The following CYREN variants were observed in gnomAD, a reference collection of about 807,000 sequenced individuals.
CYREN encodes the protein cell cycle regulator of non-homologous end joining.
In CYREN, 7 loss-of-function variants were observed where a neutral mutation model predicts 9.7. That is an observed-to-expected ratio of 0.72 (90% CI 0.41 to 1.36). The LOEUF (loss-of-function observed/expected upper bound fraction) is 1.36, where lower values mean the gene tolerates loss of function less well. Ranked by LOEUF, CYREN falls within the 40% of genes most tolerant of loss-of-function variation. CYREN has a pLI of 0.01. For synonymous variants in CYREN, 76 were observed against 77.9 expected, an observed-to-expected ratio of 0.98 and a Z score of 0.13; for missense variants, 215 against 198.1, an observed-to-expected ratio of 1.09 and a Z score of -0.51.
chr7:135,167,935 C>G (rs1369821126), intron 2 of CYREN, 128 bp from the exon 3 acceptor site: 6 of 1,481,044 alleles, frequency 4.1e-6, no homozygotes, highest in Non-Finnish European at 5.4e-6. Flanking sequence ...CACCTCTGAG[C>G]TGAGGAGCTT....
At chr7:135,108,870 T>C (rs1825177020) in intron 2 of CYREN, among the ~76,000 whole-genome samples, 1 of 152,226 alleles carries the variant, frequency 6.6e-6, no homozygotes. Context: ...TCAGAGGTTT[T>C]GTTCATTCCT....
chr7:135,129,189 T>G (rs1828374857), intron 2 of CYREN: 2 of 1,423,172 alleles, frequency 1.4e-6, no homozygotes, highest in Non-Finnish European at 2.0e-6. Flanking sequence ...AGATGTGGTG[T>G]ACTGCCCCCA....
chr7:135,097,192 C>G (rs1823032083), intron 2 of CYREN, among the ~76,000 whole-genome samples: 1 of 152,126 alleles, frequency 6.6e-6, no homozygotes, highest in African/African-American at 2.4e-5. Flanking sequence ...AAGGTTACGA[C>G]TAAAATATCC....
downstream of CYREN, among the ~76,000 whole-genome samples, chr7:135,162,871 G>A (rs1829981555): frequency 1.3e-5 from 2 of 152,210 alleles, no homozygotes; most frequent in South Asian, 2.1e-4. Flanking sequence ...ATTTAAAACG[G>A]AGTGAAAAGA....
At chr7:135,160,663 C>T (rs3251) in intron 2 of CYREN, among the ~76,000 whole-genome samples, 72,279 of 151,374 alleles carry the variant, frequency 0.48, 17,543 homozygotes, top group South Asian at 0.65. Context: ...GCTCTGCTGT[C>T]CTAAGATGTG....
intron 2 of CYREN, among the ~76,000 whole-genome samples, chr7:135,106,128 C>T (rs1451260853): frequency 6.6e-6 from 1 of 152,136 alleles, no homozygotes; most frequent in Non-Finnish European, 1.5e-5. Flanking sequence ...GCTGAAGGAG[C>T]TTTTGGGCCA....
chr7:135,121,423 A>T (rs2117244233), intron 2 of CYREN, among the ~76,000 whole-genome samples: 1 of 152,362 alleles, frequency 6.6e-6, no homozygotes, highest in East Asian at 1.9e-4. Flanking sequence ...TACGTGGATC[A>T]TATACCAAGA....
At chr7:135,111,923 A>G (rs1825696442) in intron 2 of CYREN, among the ~76,000 whole-genome samples, 1 of 152,110 alleles carries the variant, frequency 6.6e-6, no homozygotes, top group Non-Finnish European at 1.5e-5. Flanking sequence ...CCTACTGGAT[A>G]TCGCCATCTG....
chr7:135,134,972 G>T, intron 2 of CYREN: 1 of 1,551,152 alleles, frequency 6.4e-7, no homozygotes, highest in Non-Finnish European at 8.7e-7. Flanking sequence ...AAGCCCCACA[G>T]GTCATTGGAA....
chr7:135,121,899 AC>A (rs1188117150), intron 2 of CYREN, among the ~76,000 whole-genome samples: 1 of 152,144 alleles, frequency 6.6e-6, no homozygotes, highest in East Asian at 1.9e-4. Context: ...GAACTGTGAA[AC>A]CTATAGATTG....
chr7:135,119,277 T>A (rs563589490), intron 2 of CYREN, among the ~76,000 whole-genome samples: 11 of 152,176 alleles, frequency 7.2e-5, no homozygotes, highest in African/African-American at 2.6e-4. Flanking sequence ...TTACCCAGGC[T>A]GGAGTCCAGT....
chr7:135,128,666 C>A, intron 2 of CYREN: 1 of 1,094,244 alleles, frequency 9.1e-7, no homozygotes, highest in Non-Finnish European at 1.4e-6. Flanking sequence ...AGGAAGAGAC[C>A]CTAGTATACC....
chr7:135,141,599 G>A (rs544738974), intron 2 of CYREN, among the ~76,000 whole-genome samples: 50 of 151,876 alleles, frequency 3.3e-4, no homozygotes, highest in Admixed American at 6.6e-4. Flanking sequence ...TCTAGCTTTG[G>A]GGTCGGTTCA....
rs192479712 is a variant in CYREN, at chr7:135,123,786, C to T, written n.357-29204G>A. On this transcript the variant is annotated intron_variant and non_coding_transcript_variant, in intron 2 of 2. Coordinates refer to the CYREN transcript ENST00000459937. ...TTTCAACCCAGAATTTCATATGTGG[C>T]CAAACTAATCTTCATAAGCAAAGGA... Among the ~76,000 whole-genome samples, 66 of 152,158 alleles carry T rather than the reference C, an allele frequency of 4.3e-4. 1 individual carries two copies. In the East Asian group the frequency reaches 0.011, roughly 25 times the overall value.
At chr7:135,134,945 C>T in intron 2 of CYREN, 1 of 1,551,152 alleles carries the variant, frequency 6.4e-7, no homozygotes, top group African/African-American at 1.4e-5. Context: ...GCAAACTCTT[C>T]AGAATGGGTC....
chr7:135,172,126 A>G (rs188376031), upstream of CYREN, among the ~76,000 whole-genome samples: 164 of 152,262 alleles, frequency 1.1e-3, no homozygotes, highest in South Asian at 6.8e-3. Context: ...ACGTGAGTGG[A>G]AGCGTGGCCT....
At chr7:135,123,048 G>A (rs181253898) in intron 2 of CYREN, among the ~76,000 whole-genome samples, 11 of 151,680 alleles carry the variant, frequency 7.3e-5, no homozygotes, top group African/African-American at 2.7e-4. Context: ...GGATGAGACA[G>A]ACAAATTGAC....
At chr7:135,139,250 G>GT (rs113843055) in intron 2 of CYREN, among the ~76,000 whole-genome samples, 20 of 151,006 alleles carry the variant, frequency 1.3e-4, no homozygotes, top group East Asian at 7.8e-4. Flanking sequence ...AACCTCACTA[G>GT]TTTTTTTTTA....
upstream of CYREN, among the ~76,000 whole-genome samples, chr7:135,171,929 C>T (rs1007912219): frequency 2.6e-5 from 4 of 152,264 alleles, no homozygotes; most frequent in Non-Finnish European, 5.9e-5. Context: ...GGCTGAACAC[C>T]GGGAAGGAAC....
Sources: allele counts gnomAD v4.1 joint callset (sites outside exome capture counted in the v4.1 genomes callset), GRCh38; gene constraint gnomAD v4.1.1; transcripts MANE v1.5; gene names NCBI Gene and HGNC (gene_info 2026-07-23, HGNC 2026-07-21).